Variants in NR5A2 observed in about 807,000 individuals in gnomAD.
The protein encoded by NR5A2 is CYP7A promoter-binding factor.
A neutral mutation model predicts 62.7 loss-of-function variants in NR5A2; 26 were observed. The observed-to-expected ratio is 0.41, with a 90% CI of 0.30 to 0.58. The LOEUF (loss-of-function observed/expected upper bound fraction) is 0.58, where lower values mean the gene tolerates loss of function less well. Ranked by LOEUF, NR5A2 falls within the 20% of genes least tolerant of loss-of-function variation. NR5A2 has a pLI of 0.22. For missense variants in NR5A2, 541 were observed against 669.1 expected (o/e 0.81, Z 2.11); for synonymous variants, 246 against 241.7 (o/e 1.02, Z -0.16).
intron 5 of NR5A2, among the ~76,000 whole-genome samples, chr1:200,100,868 A>G (rs1251341300): frequency 6.6e-6 from 1 of 152,218 alleles, no homozygotes; most frequent in East Asian, 1.9e-4. Context: ...CATGTCAGTA[A>G]TGGGCTCTGG....
At chr1:200,035,152 T>A (rs1181873880) in intron 1 of NR5A2, among the ~76,000 whole-genome samples, 2 of 152,092 alleles carry the variant, frequency 1.3e-5, no homozygotes, top group Admixed American at 6.5e-5. Context: ...TATCCTGGCC[T>A]AGTAATGGAG....
At chr1:200,110,897 AATAGCTCTATT>A (rs2102292363) in intron 5 of NR5A2, among the ~76,000 whole-genome samples, 1 of 152,268 alleles carries the variant, frequency 6.6e-6, no homozygotes, top group Non-Finnish European at 1.5e-5. Context: ...ACCTAACTCT[AATAGCTCTATT>A]AATGTTAGGT....
intron 5 of NR5A2, among the ~76,000 whole-genome samples, chr1:200,099,172 C>T (rs940151920): frequency 2.0e-5 from 3 of 152,114 alleles, no homozygotes; most frequent in Non-Finnish European, 4.4e-5. Context: ...CAGAGAATTC[C>T]CATCACTGAA....
intron 5 of NR5A2, among the ~76,000 whole-genome samples, chr1:200,059,907 C>A (rs763123602): frequency 6.6e-6 from 1 of 152,074 alleles, no homozygotes; most frequent in Non-Finnish European, 1.5e-5. Context: ...AAGCTCTAAC[C>A]CAAGAAAACC....
intron 5 of NR5A2, among the ~76,000 whole-genome samples, chr1:200,074,150 A>G (rs944111428): frequency 2.0e-5 from 3 of 152,236 alleles, no homozygotes; most frequent in African/African-American, 7.2e-5. Flanking sequence ...TAAATAGTCT[A>G]TTAGTAATGA....
At chr1:200,035,772 C>G (rs1011795874) in intron 1 of NR5A2, among the ~76,000 whole-genome samples, 1 of 151,958 alleles carries the variant, frequency 6.6e-6, no homozygotes, top group Non-Finnish European at 1.5e-5. Flanking sequence ...AAGTCAGAAC[C>G]GGGAAGGGCG....
rs982164837 is a variant in NR5A2, at chr1:200,138,253, C to G, written c.1378+17298C>G. On this transcript the variant is annotated intron_variant, in intron 7 of 7. Transcript: ENST00000367362. Reference sequence around the variant, plus strand: ...AATTACTTGCAACTCTAGAAACTGTCAAAGTGTTCTCCAAAGTAGCTGTAC... The same window carrying G: ...AATTACTTGCAACTCTAGAAACTGTGAAAGTGTTCTCCAAAGTAGCTGTAC... Among the ~76,000 whole-genome samples, 3 of 152,190 alleles carry G rather than the reference C, an allele frequency of 2.0e-5. No individual in the cohort carries two copies. The South Asian group carries it at 6.2e-4, about 31-fold the overall frequency.
chr1:200,032,982 A>G (rs1298762413), intron 1 of NR5A2, among the ~76,000 whole-genome samples: 1 of 152,222 alleles, frequency 6.6e-6, no homozygotes, highest in Non-Finnish European at 1.5e-5. Context: ...GTGGCTTTTT[A>G]ATCTTCATTT....
rs1667793189 is a variant in NR5A2 at position 200,147,987 on chromosome 1, T to A, written c.1379-25976T>A. 3.3e-6 allele frequency: 1 copy of A among 302,874 alleles called. No homozygotes were observed. Among genetic ancestry groups the A allele is most frequent in the Non-Finnish European group, 6.3e-6 (1 of 158,900 alleles). 18.8% of individuals were successfully genotyped at this position (302,874 alleles called of 1,614,324 possible). A position where few individuals can be genotyped will look rare whatever the true frequency, so the allele number is the denominator to read the frequency against. ...GATGCATCGGGCGGCCGCCTTGACC[T>A]CCTCCCGCGAGCCGAAAACGCCCAG... On this transcript the variant is annotated intron_variant, in intron 7 of 7. Transcript: ENST00000367362. The surrounding 1 kb of genome is among the most constrained non-coding windows in gnomAD (Gnocchi z 4.9).
intron 5 of NR5A2, among the ~76,000 whole-genome samples, chr1:200,098,136 G>A (rs955649865): frequency 1.3e-5 from 2 of 152,166 alleles, no homozygotes; most frequent in South Asian, 2.1e-4. Flanking sequence ...CCACCCTGCC[G>A]AGCTGTAAGC....
intron 7 of NR5A2, among the ~76,000 whole-genome samples, chr1:200,152,755 G>A (rs1653188999): frequency 6.6e-6 from 1 of 152,148 alleles, no homozygotes; most frequent in Non-Finnish European, 1.5e-5. Context: ...CAAAAATTAT[G>A]TGAGAATTTT....
At chr1:200,094,524 C>CTTTTTTTTTTTTTTTTTT (rs373809748) in intron 5 of NR5A2, among the ~76,000 whole-genome samples, 1 of 59,802 alleles carries the variant, frequency 1.7e-5, no homozygotes, top group African/African-American at 7.4e-5. Context: ...TTAAATGCCA[C>CTTTTTTTTTTTTTTTTTT]TTTTTTTTTT....
rs1218353089 is a variant in NR5A2 at position 200,114,293 on chromosome 1, TAC to T, written c.1230+2980_1230+2981del. Among the ~76,000 whole-genome samples, 4 of 119,504 alleles carry T rather than the reference TAC, an allele frequency of 3.3e-5. No homozygotes were observed. The South Asian group carries it at 1.2e-3, about 36-fold the overall frequency. 78.4% of individuals were successfully genotyped at this position (119,504 alleles called of 152,430 possible). A position where few individuals can be genotyped will look rare whatever the true frequency, so the allele number is the denominator to read the frequency against. On this transcript the variant is annotated intron_variant, in intron 6 of 7. Transcript: ENST00000367362. The stretch of plus-strand genomic sequence containing the variant: ...ATATACATATATATACACATATATA[TAC>T]ACACACATATATATGATATGAAAGT...
chr1:200,077,090 CAT>C (rs968496704), intron 5 of NR5A2, among the ~76,000 whole-genome samples: 1 of 152,152 alleles, frequency 6.6e-6, no homozygotes, highest in African/African-American at 2.4e-5. Flanking sequence ...TTTTATAAAA[CAT>C]AAATTTTAAT....
At chr1:200,121,032 A>G (rs1666458964) in intron 7 of NR5A2, 77 bp downstream of exon 7, 9 of 1,520,756 alleles carry the variant, frequency 5.9e-6, no homozygotes, top group African/African-American at 1.4e-5. Flanking sequence ...CTTGTGGTCC[A>G]TGTATGTTTT....
intron 5 of NR5A2, among the ~76,000 whole-genome samples, chr1:200,064,205 C>A (rs1350966791): frequency 2.6e-5 from 4 of 151,726 alleles, no homozygotes. Context: ...GTCTTCATGG[C>A]AGTTTTCTCA....
intron 5 of NR5A2, among the ~76,000 whole-genome samples, chr1:200,098,827 G>A (rs1184060653): frequency 1.3e-5 from 2 of 152,122 alleles, no homozygotes; most frequent in African/African-American, 2.4e-5. Context: ...AAACTAGATA[G>A]GACCTATTAC....
intron 7 of NR5A2, among the ~76,000 whole-genome samples, chr1:200,143,939 A>G (rs1667558344): frequency 6.6e-6 from 1 of 151,920 alleles, no homozygotes; most frequent in African/African-American, 2.4e-5. Flanking sequence ...ATGCCCGGCT[A>G]CTGTTCACCG....
intron 5 of NR5A2, among the ~76,000 whole-genome samples, chr1:200,096,692 C>T (rs1665119348): frequency 6.6e-6 from 1 of 152,186 alleles, no homozygotes; most frequent in African/African-American, 2.4e-5. Context: ...GTACATCGTG[C>T]ACAGCATAAC....
Sources: allele counts gnomAD v4.1 joint callset (sites outside exome capture counted in the v4.1 genomes callset), GRCh38; gene constraint gnomAD v4.1.1; non-coding constraint Gnocchi (gnomAD v3.1); transcripts MANE v1.5; gene names NCBI Gene and HGNC (gene_info 2026-07-23, HGNC 2026-07-21).